DPF3: variants seen among roughly 807,000 people sequenced by gnomAD.
The protein encoded by DPF3 is zinc finger protein DPF3.
A neutral mutation model predicts 56.8 loss-of-function variants in DPF3; 18 were observed. The observed-to-expected ratio is 0.32, with a 90% confidence interval of 0.22 to 0.47. DPF3 has a LOEUF of 0.47. Among genes scored for constraint, DPF3 ranks in the 20% least tolerant of loss-of-function variants. The pLI is 1.00. For missense variants in DPF3, 403 were observed against 488.8 expected (o/e 0.82, Z 1.65); for synonymous variants, 188 against 180.2 (o/e 1.04, Z -0.35).
At chr14:72,737,402 A>T (rs1259463703) in intron 3 of DPF3, among the ~76,000 whole-genome samples, 1 of 152,130 alleles carries the variant, frequency 6.6e-6, no homozygotes, top group Non-Finnish European at 1.5e-5. Context: ...CACCGAGCTC[A>T]TTAACAGGAT....
At chr14:72,627,168 A>G (rs1884883185) in intron 9 of DPF3, among the ~76,000 whole-genome samples, 1 of 152,050 alleles carries the variant, frequency 6.6e-6, no homozygotes, top group South Asian at 2.1e-4. Context: ...AGTCAGATAT[A>G]CCAACATTTT....
chr14:72,628,636 A>AAG (rs148707360), intron 9 of DPF3, among the ~76,000 whole-genome samples: 1,929 of 149,682 alleles, frequency 0.013, 39 homozygotes, highest in African/African-American at 0.043. Flanking sequence ...GTCTTGCCAA[A>AAG]AGAGAGAGAG....
At chr14:72,850,790 C>T (rs1319410460) in intron 1 of DPF3, among the ~76,000 whole-genome samples, 1 of 147,388 alleles carries the variant, frequency 6.8e-6, no homozygotes, top group East Asian at 2.2e-4. Context: ...ACTGGTGGGG[C>T]GTGTGTGCAT....
intron 1 of DPF3, among the ~76,000 whole-genome samples, chr14:72,812,462 G>A (rs762283492): frequency 6.6e-6 from 1 of 152,162 alleles, no homozygotes; most frequent in East Asian, 1.9e-4. Flanking sequence ...GAGCTGGGAG[G>A]GGCTTGGAGG....
intron 9 of DPF3, among the ~76,000 whole-genome samples, chr14:72,622,490 G>C (rs528282205): frequency 5.3e-5 from 8 of 152,242 alleles, no homozygotes; most frequent in African/African-American, 1.9e-4. Flanking sequence ...GTCAGAAACA[G>C]TGTTATTAAT....
At chr14:72,754,351 C>A (rs1890703369) in intron 2 of DPF3, among the ~76,000 whole-genome samples, 1 of 152,146 alleles carries the variant, frequency 6.6e-6, no homozygotes, top group South Asian at 2.1e-4. Context: ...AACCAGCAAG[C>A]CAACAAATCC....
intron 1 of DPF3, among the ~76,000 whole-genome samples, chr14:72,889,866 G>T (rs1258705210): frequency 6.6e-6 from 1 of 152,130 alleles, no homozygotes; most frequent in Non-Finnish European, 1.5e-5. Context: ...CCTTACAAAA[G>T]AAAGTTTCAA....
intron 3 of DPF3, among the ~76,000 whole-genome samples, chr14:72,748,196 A>G (rs569048246): frequency 6.6e-6 from 1 of 152,368 alleles, no homozygotes; most frequent in South Asian, 2.1e-4. Context: ...AATAAAGTCC[A>G]GGTTAGGGTG....
chr14:72,769,151 A>C (rs1891414225), intron 2 of DPF3, among the ~76,000 whole-genome samples: 1 of 152,206 alleles, frequency 6.6e-6, no homozygotes, highest in African/African-American at 2.4e-5. Context: ...AAAACAAATG[A>C]ATACTATTTC....
In DPF3 at chr14:72,787,221, G is replaced by A. The variant is rs534479130; in HGVS notation, c.33-15328C>T. On this transcript the variant is annotated intron_variant, in intron 1 of 10. Transcript: ENST00000556509. ...CAGAAAGTGATCAGGATATGCACAC[G>A]GCCCACAGAAGCCCAGCCCACAGCT... Among the ~76,000 whole-genome samples the A allele has an allele frequency of 3.9e-5, 6 of 152,318 alleles. No homozygotes were observed. The South Asian group carries it at 6.2e-4, about 16-fold the overall frequency.
At position 72,883,940 on chromosome 14, in the gene DPF3, AAAG is replaced by A. The variant is rs1886417224; in HGVS notation, c.32+10114_32+10116del. Among the ~76,000 whole-genome samples the A allele has an allele frequency of 2.6e-5, 4 of 151,102 alleles. No homozygotes were observed. In the South Asian group the frequency reaches 8.4e-4, roughly 32 times the overall value. On this transcript the variant is annotated intron_variant, in intron 1 of 10. Transcript: ENST00000556509. Reference sequence around the variant, plus strand: ...AGACTCTGTCTCAAAAAAAAAAAAAAAAGAAAAAGAAAAAGAATCCATTCTTGC... The same window carrying A: ...AGACTCTGTCTCAAAAAAAAAAAAAAAAAAAGAAAAAGAATCCATTCTTGC...
intron 7 of DPF3, among the ~76,000 whole-genome samples, chr14:72,691,616 G>T (rs1281725078): frequency 6.6e-6 from 1 of 151,966 alleles, no homozygotes; most frequent in African/African-American, 2.4e-5. Context: ...AGTCCCAACT[G>T]CTTGGGAGGC....
intron 1 of DPF3, among the ~76,000 whole-genome samples, chr14:72,782,165 T>C (rs1892001937): frequency 6.6e-6 from 1 of 151,938 alleles, no homozygotes; most frequent in Non-Finnish European, 1.5e-5. Context: ...CGGTCTGGTA[T>C]TTAACACGGC....
chr14:72,636,166 G>A (rs1033680899), intron 8 of DPF3, among the ~76,000 whole-genome samples: 6 of 152,130 alleles, frequency 3.9e-5, no homozygotes, highest in Admixed American at 2.6e-4. Context: ...CCAAAATAGC[G>A]CCAAAAACAA....
chr14:72,737,576 G>A (rs1043116211), intron 3 of DPF3, among the ~76,000 whole-genome samples: 6 of 152,186 alleles, frequency 3.9e-5, no homozygotes, highest in African/African-American at 9.7e-5. Flanking sequence ...CCTGCAAGTC[G>A]TATATGGATT....
chr14:72,756,856 GAAAGAAAGAAAGA>G lies in DPF3; in HGVS notation c.194-3498_194-3486del, dbSNP rs1567222897. Reference sequence around the variant, plus strand: ...AGAAAGAAAGAAAGAAAGAAAGAAAGAAAGAAAGAAAGAAAGGAAGGAAAGAAGGAAAGAAAGA... The same window carrying G: ...AGAAAGAAAGAAAGAAAGAAAGAAAGAAGGAAGGAAAGAAGGAAAGAAAGA... On this transcript the variant is annotated intron_variant, in intron 2 of 10. Coordinates refer to ENST00000556509, the MANE Select transcript of DPF3 (RefSeq NM_001280542.3). Among the ~76,000 whole-genome samples, 42 of 104,874 alleles carry G rather than the reference GAAAGAAAGAAAGA, an allele frequency of 4.0e-4. 1 individual carries two copies. Among genetic ancestry groups the G allele is most frequent in the Middle Eastern group, 7.8e-3 (2 of 256 alleles). The allele number at this position is 104,874 out of a possible 152,430, so 68.8% of individuals were successfully genotyped here. A position where few individuals can be genotyped will look rare whatever the true frequency, so the allele number is the denominator to read the frequency against.
intron 2 of DPF3, among the ~76,000 whole-genome samples, chr14:72,759,400 G>A (rs558421536): frequency 2.1e-4 from 32 of 152,300 alleles, no homozygotes; most frequent in African/African-American, 5.5e-4. Context: ...TGGGTGCAGC[G>A]GCTCATGCCT....
intron 8 of DPF3, among the ~76,000 whole-genome samples, chr14:72,663,245 G>C (rs1423701070): frequency 6.6e-6 from 1 of 150,544 alleles, no homozygotes; most frequent in Non-Finnish European, 1.5e-5. Flanking sequence ...ACCCCAGAAA[G>C]GACCTTTATG....
chr14:72,712,641 G>A (rs1050364543), intron 6 of DPF3, among the ~76,000 whole-genome samples: 1 of 152,218 alleles, frequency 6.6e-6, no homozygotes, highest in African/African-American at 2.4e-5. Context: ...GGGAGGCTGA[G>A]GCAGGAGGAT....
Sources: allele counts gnomAD v4.1 joint callset (sites outside exome capture counted in the v4.1 genomes callset), GRCh38; gene constraint gnomAD v4.1.1; transcripts MANE v1.5; gene names NCBI Gene and HGNC (gene_info 2026-07-23, HGNC 2026-07-21).